Variants in PRELID2 observed in about 807,000 individuals in gnomAD.
The protein encoded by PRELID2 is PRELI domain containing 2.
PRELID2 carries 25 observed loss-of-function variants against 28.4 expected under a neutral mutation model. That is an observed-to-expected ratio of 0.88 (90% CI 0.64 to 1.23). The LOEUF is 1.23. Ranked by LOEUF, PRELID2 falls within the 50% of genes most tolerant of loss-of-function variation. PRELID2 has a pLI of 0.00. For missense variants in PRELID2, 201 were observed against 214.4 expected (o/e 0.94, Z 0.39); for synonymous variants, 76 against 71.6 (o/e 1.06, Z -0.31).
chr5:145,290,142 A>T, the PRELID2 span, among the ~76,000 whole-genome samples: 1 of 152,134 alleles, frequency 6.6e-6, no homozygotes, highest in Non-Finnish European at 1.5e-5. Flanking sequence ...ACGCTTTTAC[A>T]CTGTTGGTGG....
At chr5:145,348,060 G>A in the PRELID2 span, among the ~76,000 whole-genome samples, 2 of 152,048 alleles carry the variant, frequency 1.3e-5, no homozygotes, top group Non-Finnish European at 2.9e-5. Context: ...ACATTAAGAA[G>A]CAATAAACAG....
chr5:145,548,496 T>A (rs920411511), intron 1 of PRELID2, among the ~76,000 whole-genome samples: 2 of 152,176 alleles, frequency 1.3e-5, no homozygotes, highest in African/African-American at 4.8e-5. Context: ...GATTTTCTCA[T>A]CTCCCCTTTC....
chr5:145,244,040 C>T, the PRELID2 span, among the ~76,000 whole-genome samples: 1 of 152,022 alleles, frequency 6.6e-6, no homozygotes, highest in African/African-American at 2.4e-5. Flanking sequence ...GTAACATTTG[C>T]CTCCCCAGTC....
chr5:145,792,505 C>T (rs78892672), intron 5 of PRELID2, among the ~76,000 whole-genome samples: 6,070 of 152,246 alleles, frequency 0.04, 383 homozygotes, highest in African/African-American at 0.13. Flanking sequence ...AGCAGATGTT[C>T]ATTCATTGTC....
At chr5:145,819,253 T>A in intron 3 of PRELID2, 1 of 692,742 alleles carries the variant, frequency 1.4e-6, no homozygotes, top group South Asian at 1.7e-5. Flanking sequence ...GGGTTGAAAC[T>A]ACCCTCTGAG....
chr5:145,467,339 C>T (rs1375474398), downstream of PRELID2, among the ~76,000 whole-genome samples: 1 of 152,064 alleles, frequency 6.6e-6, no homozygotes, highest in Non-Finnish European at 1.5e-5. Flanking sequence ...TTTCTGGGCC[C>T]TTCACAAGTC....
chr5:145,773,462 T>C (rs1440934453), intron 5 of PRELID2, among the ~76,000 whole-genome samples: 1 of 152,254 alleles, frequency 6.6e-6, no homozygotes, highest in Non-Finnish European at 1.5e-5. Flanking sequence ...TTTTCCTCAC[T>C]TGCACTTCAT....
intron 1 of PRELID2, among the ~76,000 whole-genome samples, chr5:145,733,620 A>T (rs187083369): frequency 6.6e-6 from 1 of 152,248 alleles, no homozygotes; most frequent in Non-Finnish European, 1.5e-5. Flanking sequence ...CTAGATTTTC[A>T]CAAGTGTCCT....
intron 1 of PRELID2, among the ~76,000 whole-genome samples, chr5:145,641,563 C>T (rs1187486989): frequency 6.6e-6 from 1 of 152,128 alleles, no homozygotes; most frequent in East Asian, 1.9e-4. Flanking sequence ...GCAGAACATG[C>T]AGTTTTGTTA....
chr5:145,488,998 A>G (rs1752245505), intron 1 of PRELID2, among the ~76,000 whole-genome samples: 3 of 152,168 alleles, frequency 2.0e-5, no homozygotes, highest in African/African-American at 7.2e-5. Flanking sequence ...CTAGTTTGAC[A>G]TGCATTCATA....
At chr5:145,369,627 G>A in the PRELID2 span, among the ~76,000 whole-genome samples, 2 of 151,968 alleles carry the variant, frequency 1.3e-5, no homozygotes, top group African/African-American at 4.8e-5. Flanking sequence ...ATTTCTTTGG[G>A]TATATACCCA....
rs1257388709 is a variant in PRELID2 at position 145,787,252 on chromosome 5, A to G, written c.474+9190T>C. 2.0e-5 allele frequency among the ~76,000 whole-genome samples: 3 copies of G among 152,246 alleles called. No homozygotes were observed. The East Asian group carries it at 5.8e-4, about 29-fold the overall frequency. ...TAAAGATTCAGACAAACTAGGCTAA[A>G]AAAAGAATGCTTGCATAACAAGACT... On this transcript the variant is annotated intron_variant, in intron 5 of 6. Coordinates refer to ENST00000683046, the MANE Select transcript of PRELID2 (RefSeq NM_205846.3).
At chr5:145,418,106 C>G in the PRELID2 span, among the ~76,000 whole-genome samples, 1 of 150,054 alleles carries the variant, frequency 6.7e-6, no homozygotes, top group Non-Finnish European at 1.5e-5. Context: ...CAATAACAGG[C>G]AAGAGCCAAA....
Position 145,645,306 on chromosome 5 carries a change from T to A in PRELID2, n.70+119625A>T, listed in dbSNP as rs146676203. Among the ~76,000 whole-genome samples, 60 of 151,728 alleles carry A rather than the reference T, an allele frequency of 4.0e-4. 1 individual carries two copies. The highest frequency in any genetic ancestry group is 1.4e-3 in the African/African-American group (59 of 41,332). ...TCTTGATCTTTGTTGGTTTAAAGTCTGTTTTATCAGAGATTAGGATTGCAA... is the reference window on the plus strand; with the variant it reads ...TCTTGATCTTTGTTGGTTTAAAGTCAGTTTTATCAGAGATTAGGATTGCAA... On this transcript the variant is annotated intron_variant and non_coding_transcript_variant, in intron 1 of 2. Coordinates refer to the PRELID2 transcript ENST00000510259.
the PRELID2 span, among the ~76,000 whole-genome samples, chr5:145,395,195 G>T: frequency 6.6e-6 from 1 of 151,578 alleles, no homozygotes. Context: ...AACAGAACTC[G>T]CCTAGAACTG....
chr5:145,368,465 A>G, the PRELID2 span, among the ~76,000 whole-genome samples: 1 of 151,926 alleles, frequency 6.6e-6, no homozygotes, highest in Non-Finnish European at 1.5e-5. Flanking sequence ...ACCCCACGTC[A>G]CTGAAAATGG....
intron 5 of PRELID2, among the ~76,000 whole-genome samples, chr5:145,776,891 A>C (rs1044931216): frequency 1.3e-5 from 2 of 152,242 alleles, no homozygotes; most frequent in African/African-American, 4.8e-5. Context: ...CAAATCTACC[A>C]TCTGTCTTTA....
In PRELID2 at chr5:145,740,012, C is replaced by T. The variant is rs78825892; in HGVS notation, n.70+24919G>A. ...CAATAATTACATTAAATGTAAATGG[C>T]CAAAATACACAAATTAAGTCATAAA... On this transcript the variant is annotated intron_variant and non_coding_transcript_variant, in intron 1 of 2. Transcript: ENST00000510259. Among the ~76,000 whole-genome samples the T allele has an allele frequency of 6.4e-4, 96 of 150,186 alleles. No homozygotes were observed. In the East Asian group the frequency reaches 0.017, roughly 26 times the overall value.
chr5:145,326,423 A>G, the PRELID2 span, among the ~76,000 whole-genome samples: 1 of 152,232 alleles, frequency 6.6e-6, no homozygotes, highest in Non-Finnish European at 1.5e-5. Flanking sequence ...TGAAAGGTAA[A>G]GAACCTACAG....
Sources: allele counts gnomAD v4.1 joint callset (sites outside exome capture counted in the v4.1 genomes callset), GRCh38; gene constraint gnomAD v4.1.1; transcripts MANE v1.5; gene names NCBI Gene and HGNC (gene_info 2026-07-23, HGNC 2026-07-21).